The following FBXO21 variants were observed in gnomAD, a reference collection of about 807,000 sequenced individuals.
FBXO21 encodes the protein F-box only protein 21.
A neutral mutation model predicts 76.6 loss-of-function variants in FBXO21; 32 were observed. The observed-to-expected ratio is 0.42, with a 90% CI of 0.32 to 0.56. The LOEUF (loss-of-function observed/expected upper bound fraction) is 0.56, where lower values mean the gene tolerates loss of function less well. Among genes scored for constraint, FBXO21 ranks in the 20% least tolerant of loss-of-function variants. The pLI is 0.16. For synonymous variants in FBXO21, 328 were observed against 311.5 expected (o/e 1.05, Z -0.56); for missense variants, 586 against 797.3 (o/e 0.73, Z 3.19).
chr12:117,181,479 T>C (rs919672183), intron 3 of FBXO21, among the ~76,000 whole-genome samples: 1 of 152,220 alleles, frequency 6.6e-6, no homozygotes. Context: ...TATGTCTCAG[T>C]ATTGGTCATT....
chr12:117,165,460 C>T (rs1164877762), intron 9 of FBXO21, 25 bp downstream of exon 9: 2 of 1,608,516 alleles, frequency 1.2e-6, no homozygotes, highest in East Asian at 2.2e-5. Flanking sequence ...AAGGCAAGTG[C>T]AAAGCATCAA....
intron 11 of FBXO21, among the ~76,000 whole-genome samples, chr12:117,152,686 T>A (rs759692332): frequency 1.2e-4 from 18 of 152,130 alleles, no homozygotes; most frequent in Non-Finnish European, 2.6e-4. Context: ...ATTGAGAAAT[T>A]TGAAAACTAT....
chr12:117,166,324 G>A (rs1393074879), intron 8 of FBXO21, among the ~76,000 whole-genome samples: 1 of 152,044 alleles, frequency 6.6e-6, no homozygotes, highest in East Asian at 1.9e-4. Flanking sequence ...CAGAATATAT[G>A]ACACCAAGAG....
chr12:117,174,888 T>A (rs1956158440), intron 4 of FBXO21, 91 bp from the exon 5 acceptor site: 2 of 1,309,488 alleles, frequency 1.5e-6, no homozygotes, highest in Admixed American at 4.0e-5. Context: ...GGGACATGGC[T>A]CTTTACACCA....
chr12:117,183,538 C>A (rs1280687650), intron 3 of FBXO21, among the ~76,000 whole-genome samples: 1 of 152,180 alleles, frequency 6.6e-6, no homozygotes, highest in Non-Finnish European at 1.5e-5. Context: ...GGATTACAGG[C>A]GTGAGCCACT....
Position 117,157,895 on chromosome 12 carries a change from C to T in FBXO21, c.1495G>A (p.Gly499Arg), listed in dbSNP as rs1443753832. The change falls in exon 10 of 12, where the codon GGG becomes AGG. Residue 499 changes from glycine to arginine, a missense_variant. Physicochemically the swap from Gly to Arg is moderately radical, Grantham distance 125. This residue lies in a region of FBXO21 where 164 missense variants were observed against 236.7 expected (regional missense o/e 0.69). Transcript: ENST00000622495. ...CACCTCTTATGCTTCATAATGAGCCCGATGGAGTAGCAGACATCTCTGTGC... is the reference window on the plus strand; with the variant it reads ...CACCTCTTATGCTTCATAATGAGCCTGATGGAGTAGCAGACATCTCTGTGC... ...EKHRDVCYSI[G>R]LIMKHKRYGY... 2 of 1,610,042 alleles carry T rather than the reference C, an allele frequency of 1.2e-6. No individual in the cohort carries two copies. Among genetic ancestry groups the T allele is most frequent in the Non-Finnish European group, 1.7e-6 (2 of 1,177,186 alleles).
At chr12:117,155,114 T>C (rs1955895869) in intron 11 of FBXO21, 1 of 152,298 alleles carries the variant, frequency 6.6e-6, no homozygotes, top group African/African-American at 2.4e-5. Flanking sequence ...GTGAATGCTT[T>C]GACAGACATA....
intron 11 of FBXO21, among the ~76,000 whole-genome samples, chr12:117,146,924 CTG>C (rs2135840826): frequency 6.6e-6 from 1 of 152,284 alleles, no homozygotes; most frequent in Admixed American, 6.5e-5. Flanking sequence ...CCTCTTCTCT[CTG>C]TTCTCTATTT....
At chr12:117,154,928 CTAAGT>C (rs1163001507) in intron 11 of FBXO21, 1 of 152,200 alleles carries the variant, frequency 6.6e-6, no homozygotes, top group Non-Finnish European at 1.5e-5. Flanking sequence ...ATCGTGTTCT[CTAAGT>C]TAAAATCTCA....
In FBXO21 at chr12:117,167,015, G is replaced by A. The variant is rs1436681448; in HGVS notation, c.1076C>T (p.Thr359Ile). ...IDAFGKGKQL[T>I]VKECEYLIGQ... ...GATCAAGTACTCGCATTCTTTCACT[G>A]TCAGCTGCTTGCCTTTCCCAAAAGC... Residue 359 changes from threonine to isoleucine, a missense_variant, in exon 8 of 12, where the codon ACA (threonine) becomes ATA (isoleucine). Thr to Ile is a moderately conservative substitution (Grantham distance 89). Transcript: ENST00000622495. The A allele has an allele frequency of 6.2e-7, 1 of 1,613,938 alleles. No individual in the cohort carries two copies. Among genetic ancestry groups the A allele is most frequent in the East Asian group, 2.2e-5 (1 of 44,888 alleles).
chr12:117,176,607 G>T (rs556171836), intron 4 of FBXO21, among the ~76,000 whole-genome samples: 2 of 152,158 alleles, frequency 1.3e-5, no homozygotes, highest in East Asian at 3.9e-4. Context: ...GAGGGAAGGG[G>T]GGGTAATGTT....
chr12:117,176,606 G>T (rs947070158), intron 4 of FBXO21, among the ~76,000 whole-genome samples: 1 of 152,070 alleles, frequency 6.6e-6, no homozygotes, highest in Non-Finnish European at 1.5e-5. Flanking sequence ...GGAGGGAAGG[G>T]GGGGTAATGT....
intron 11 of FBXO21, chr12:117,155,434 G>T (rs919416926): frequency 2.1e-5 from 5 of 236,256 alleles, no homozygotes; most frequent in Non-Finnish European, 4.3e-5. Flanking sequence ...GGAGCACTAG[G>T]GGGCCCCCAG....
rs1955725406 is a variant in FBXO21 at position 117,142,317 on chromosome 12, C to T, written c.*3770G>A. The T allele has an allele frequency of 6.6e-6, 1 of 152,214 alleles. No homozygotes were observed. The highest frequency in any genetic ancestry group is 6.5e-5 in the Admixed American group (1 of 15,270). 9.4% of individuals were successfully genotyped at this position (152,214 alleles called of 1,614,324 possible). On this transcript the variant is annotated 3_prime_UTR_variant, in exon 12 of 12. Coordinates refer to ENST00000622495, the MANE Select transcript of FBXO21 (RefSeq NM_015002.3). ...GCACACGCAGTATGACCTGGGTTTC[C>T]CCTTTATACAGTGGAATGCTAAGTG...
At chr12:117,183,923 A>T (rs1450923664) in intron 3 of FBXO21, among the ~76,000 whole-genome samples, 4 of 152,160 alleles carry the variant, frequency 2.6e-5, no homozygotes, top group Admixed American at 2.6e-4. Flanking sequence ...CCATTTCTTT[A>T]AAAATCCATT....
intron 4 of FBXO21, among the ~76,000 whole-genome samples, chr12:117,176,890 A>T (rs968492201): frequency 2.6e-5 from 4 of 152,258 alleles, no homozygotes; most frequent in Admixed American, 1.3e-4. Flanking sequence ...GAATAAAAGT[A>T]AACGACCAGT....
rs60300262 is a variant in FBXO21, at chr12:117,182,006, T to TTTAAA, written c.471-4366_471-4365insTTTAA. ...AATCTTTATTGTAGGACATACTCGT[T>TTTAAA]TTTAAGACCACATAGCACATCATAA... is the stretch of plus-strand genomic sequence containing the variant. On this transcript the variant is annotated intron_variant, in intron 3 of 11. Transcript: ENST00000622495. Among the ~76,000 whole-genome samples the TTTAAA allele has an allele frequency of 8.8e-3, 1,335 of 152,246 alleles. 13 individuals are homozygous for TTTAAA. The highest frequency in any genetic ancestry group is 0.031 in the African/African-American group (1,269 of 41,556).
chr12:117,181,167 T>C (rs1394906295), intron 3 of FBXO21, among the ~76,000 whole-genome samples: 1 of 152,192 alleles, frequency 6.6e-6, no homozygotes, highest in Non-Finnish European at 1.5e-5. Context: ...TTTTGGTCAT[T>C]TGAAATTCAT....
At chr12:117,177,174 G>C (rs189277361) in intron 4 of FBXO21, among the ~76,000 whole-genome samples, 20 of 152,264 alleles carry the variant, frequency 1.3e-4, no homozygotes, top group African/African-American at 3.6e-4. Flanking sequence ...GTCACAGGGA[G>C]ACAAAATTGG....
Sources: allele counts gnomAD v4.1 joint callset (sites outside exome capture counted in the v4.1 genomes callset), GRCh38; gene constraint gnomAD v4.1.1; regional missense constraint gnomAD v4.1.1; transcripts MANE v1.5; gene names NCBI Gene and HGNC (gene_info 2026-07-23, HGNC 2026-07-21).